The following ANKS1B variants were observed in gnomAD, a reference collection of about 807,000 sequenced individuals.
ANKS1B encodes the protein ankyrin repeat and sterile alpha motif domain containing 1B.
A neutral mutation model predicts 148.3 loss-of-function variants in ANKS1B; 36 were observed. The observed-to-expected ratio is 0.24, with a 90% CI of 0.19 to 0.32. The LOEUF (loss-of-function observed/expected upper bound fraction) is 0.32. Ranked by LOEUF, ANKS1B falls within the 10% of genes least tolerant of loss-of-function variation. The pLI, the probability that ANKS1B is intolerant of heterozygous loss-of-function variation, is 1.00. For synonymous variants in ANKS1B, 542 were observed against 560.8 expected (o/e 0.97, Z 0.47); for missense variants, 1,157 against 1,542.6 (o/e 0.75, Z 4.19).
intron 1 of ANKS1B, among the ~76,000 whole-genome samples, chr12:99,842,306 T>C (rs2085875907): frequency 6.6e-6 from 1 of 152,152 alleles, no homozygotes; most frequent in Non-Finnish European, 1.5e-5. Context: ...CAGAAAAGAA[T>C]TCTTCAACTT....
chr12:99,183,459 T>C (rs1428868087), intron 14 of ANKS1B, among the ~76,000 whole-genome samples: 1 of 152,116 alleles, frequency 6.6e-6, no homozygotes, highest in Non-Finnish European at 1.5e-5. Context: ...CTGGCCAACA[T>C]GGTGAAACCC....
rs575163803 is a variant in ANKS1B at position 98,902,085 on chromosome 12, T to C, written c.2779-69949A>G. Among the ~76,000 whole-genome samples, 3 of 152,342 alleles carry C rather than the reference T, an allele frequency of 2.0e-5. No individual in the cohort carries two copies. The South Asian group carries it at 6.2e-4, about 32-fold the overall frequency. ...ACCCAGAGTGAGCAGAAGGGACTTA[T>C]ACTTTTTCCTGAAGGCAAGCAGGCT... On this transcript the variant is annotated intron_variant, in intron 17 of 26. Coordinates refer to ENST00000683438, the MANE Select transcript of ANKS1B (RefSeq NM_001352186.2).
chr12:99,812,371 G>C (rs1662372806), intron 2 of ANKS1B, 60 bp from the exon 3 acceptor site: 1 of 1,496,468 alleles, frequency 6.7e-7, no homozygotes, highest in Non-Finnish European at 9.0e-7. Context: ...GTATTAAATA[G>C]GTAATTTTAA....
chr12:99,412,404 T>G (rs1025029623), intron 11 of ANKS1B, among the ~76,000 whole-genome samples: 3 of 152,182 alleles, frequency 2.0e-5, no homozygotes, highest in Non-Finnish European at 4.4e-5. Flanking sequence ...TAGGAGATGC[T>G]AAGGTTCTGG....
intron 10 of ANKS1B, among the ~76,000 whole-genome samples, chr12:99,456,662 GA>G (rs529637301): frequency 3.3e-5 from 5 of 151,758 alleles, no homozygotes; most frequent in Admixed American, 6.6e-5. Context: ...ACAAGTAGAA[GA>G]AAAAAACTTC....
At chr12:99,492,247 A>G (rs1475061587) in intron 10 of ANKS1B, among the ~76,000 whole-genome samples, 1 of 152,202 alleles carries the variant, frequency 6.6e-6, no homozygotes, top group East Asian at 1.9e-4. Flanking sequence ...AGAAATGCAA[A>G]TAACCATGAG....
At chr12:99,578,583 T>C (rs1259257865) in intron 9 of ANKS1B, among the ~76,000 whole-genome samples, 1 of 151,942 alleles carries the variant, frequency 6.6e-6, no homozygotes, top group African/African-American at 2.4e-5. Flanking sequence ...AAATCAAGAA[T>C]GCAATCCCAA....
At chr12:99,453,675 T>C (rs2095797611) in intron 10 of ANKS1B, among the ~76,000 whole-genome samples, 1 of 152,244 alleles carries the variant, frequency 6.6e-6, no homozygotes, top group South Asian at 2.1e-4. Flanking sequence ...TGTGAGATAA[T>C]TAATGTTTGT....
rs147552668 is a variant in ANKS1B, at chr12:98,751,653, G to A, written c.3580-131C>T. Reference sequence around the variant, plus strand: ...ACTTCACCAGAGGCAGCAGCGATTCGGTGGAAATCTACAAAGAACAGGACA... The same window carrying A: ...ACTTCACCAGAGGCAGCAGCGATTCAGTGGAAATCTACAAAGAACAGGACA... On this transcript the variant is annotated intron_variant, in intron 25 of 26. Coordinates refer to ENST00000683438, the MANE Select transcript of ANKS1B (RefSeq NM_001352186.2). The surrounding 1 kb of genome is among the most constrained non-coding windows in gnomAD (Gnocchi z 4.3). The A allele has an allele frequency of 1.0e-4, 86 of 853,804 alleles. 1 individual carries two copies. In the East Asian group the frequency reaches 1.3e-3, roughly 13 times the overall value. The allele number at this position is 853,804 out of a possible 1,614,324, so 52.9% of individuals were successfully genotyped here.
intron 17 of ANKS1B, among the ~76,000 whole-genome samples, chr12:98,899,595 C>T (rs537869343): frequency 2.0e-5 from 3 of 152,280 alleles, no homozygotes; most frequent in African/African-American, 7.2e-5. Context: ...AGTTTCGGCT[C>T]ATCCACAAGA....
chr12:98,915,980 T>C (rs2099793856), intron 17 of ANKS1B, among the ~76,000 whole-genome samples: 1 of 152,218 alleles, frequency 6.6e-6, no homozygotes, highest in East Asian at 1.9e-4. Flanking sequence ...CCGGAGCCCC[T>C]TCACCATCTC....
At chr12:98,876,298 C>G (rs566932493) in intron 17 of ANKS1B, among the ~76,000 whole-genome samples, 3 of 152,310 alleles carry the variant, frequency 2.0e-5, no homozygotes, top group South Asian at 2.1e-4. Context: ...GTGCCCTTTA[C>G]CCTCAACCCT....
At chr12:99,052,641 T>C (rs1223228484) in intron 17 of ANKS1B, among the ~76,000 whole-genome samples, 5 of 138,270 alleles carry the variant, frequency 3.6e-5, no homozygotes, top group Non-Finnish European at 7.5e-5. Context: ...GGCAGGAGAA[T>C]GGCGTGAACC....
intron 1 of ANKS1B, among the ~76,000 whole-genome samples, chr12:99,888,238 G>T (rs1442487039): frequency 6.6e-6 from 1 of 152,206 alleles, no homozygotes; most frequent in Non-Finnish European, 1.5e-5. Flanking sequence ...ACAACTTCCA[G>T]TTCCAGTCCA....
At position 99,572,908 on chromosome 12, in the gene ANKS1B, C is replaced by T. The variant is rs138972295; in HGVS notation, c.1273-68267G>A. On this transcript the variant is annotated intron_variant, in intron 9 of 26. Coordinates refer to ENST00000683438, the MANE Select transcript of ANKS1B (RefSeq NM_001352186.2). Reference sequence around the variant, plus strand: ...AATATGTATCGTGTTTACATTCTTACGGTATATTTTGAATGTGTTACATCA... The same window carrying T: ...AATATGTATCGTGTTTACATTCTTATGGTATATTTTGAATGTGTTACATCA... Among the ~76,000 whole-genome samples the T allele has an allele frequency of 3.9e-4, 59 of 151,912 alleles. No homozygotes were observed. In the East Asian group the frequency reaches 4.4e-3, roughly 11 times the overall value.
chr12:99,540,192 T>C lies in ANKS1B; in HGVS notation c.1273-35551A>G, dbSNP rs145283243. Among the ~76,000 whole-genome samples, 328 of 151,858 alleles carry C rather than the reference T, an allele frequency of 2.2e-3. 1 individual carries two copies. Among genetic ancestry groups the C allele is most frequent in the African/African-American group, 7.6e-3 (314 of 41,414 alleles). Reference sequence around the variant, plus strand: ...AAAGTAACAGAATTGAAGGGAGAAATAGACAATTAAAAAATAATAGTTGGA... The same window carrying C: ...AAAGTAACAGAATTGAAGGGAGAAACAGACAATTAAAAAATAATAGTTGGA... On this transcript the variant is annotated intron_variant, in intron 9 of 26. Transcript: ENST00000683438.
intron 12 of ANKS1B, among the ~76,000 whole-genome samples, chr12:99,268,027 C>G (rs1200060643): frequency 6.6e-6 from 1 of 152,168 alleles, no homozygotes; most frequent in African/African-American, 2.4e-5. Context: ...AAGTGGGACT[C>G]AAACCCAAAT....
chr12:99,440,003 G>A (rs887126298), intron 11 of ANKS1B, among the ~76,000 whole-genome samples: 4 of 151,708 alleles, frequency 2.6e-5, no homozygotes, highest in African/African-American at 7.3e-5. Flanking sequence ...AAACCATTAT[G>A]TTGAGTGAAA....
At chr12:99,821,723 G>A (rs1020342892) in intron 2 of ANKS1B, among the ~76,000 whole-genome samples, 27 of 152,034 alleles carry the variant, frequency 1.8e-4, no homozygotes, top group African/African-American at 5.8e-4. Flanking sequence ...CCCATTAGAT[G>A]TAATAGAGTT....
Sources: allele counts gnomAD v4.1 joint callset (sites outside exome capture counted in the v4.1 genomes callset), GRCh38; gene constraint gnomAD v4.1.1; non-coding constraint Gnocchi (gnomAD v3.1); transcripts MANE v1.5; gene names NCBI Gene and HGNC (gene_info 2026-07-23, HGNC 2026-07-21).